Variants in PARN observed in about 807,000 individuals in gnomAD.
PARN encodes poly(A)-specific ribonuclease PARN.
Under a neutral mutation model 102.8 loss-of-function variants are expected in PARN, and 71 were observed. That is an observed-to-expected ratio of 0.69 (90% CI 0.57 to 0.84). The LOEUF (loss-of-function observed/expected upper bound fraction) is 0.84, where lower values mean the gene tolerates loss of function less well. PARN is among the 40% of genes least tolerant of loss of function. PARN has a pLI of 0.00. For missense variants in PARN, 782 were observed against 760.9 expected (o/e 1.03, Z -0.33); for synonymous variants, 261 against 252.9 (o/e 1.03, Z -0.30).
intron 22 of PARN, among the ~76,000 whole-genome samples, chr16:14,471,707 A>G (rs777801382): frequency 6.6e-6 from 1 of 152,154 alleles, no homozygotes; most frequent in Non-Finnish European, 1.5e-5. Context: ...TTCTGTCTCT[A>G]TGAATCTGAC....
intron 22 of PARN, among the ~76,000 whole-genome samples, chr16:14,457,952 G>C (rs1391949861): frequency 6.6e-6 from 1 of 151,460 alleles, no homozygotes; most frequent in African/African-American, 2.4e-5. Flanking sequence ...GTGTGTGAGA[G>C]AGAGAGACAG....
At chr16:14,455,240 C>T (rs1251999599) in intron 22 of PARN, among the ~76,000 whole-genome samples, 1 of 152,182 alleles carries the variant, frequency 6.6e-6, no homozygotes, top group Non-Finnish European at 1.5e-5. Context: ...GTGTCCAAAG[C>T]CAACTGCAGT....
At chr16:14,440,945 G>A (rs2151549476) in intron 23 of PARN, among the ~76,000 whole-genome samples, 1 of 152,110 alleles carries the variant, frequency 6.6e-6, no homozygotes, top group East Asian at 1.9e-4. Context: ...TTATATGACT[G>A]TACACAGATG....
At chr16:14,612,724 A>G (rs1463449225) in intron 6 of PARN, among the ~76,000 whole-genome samples, 2 of 151,696 alleles carry the variant, frequency 1.3e-5, no homozygotes, top group Non-Finnish European at 2.9e-5. Flanking sequence ...CAGCCTCCCA[A>G]GTTGCTGGGA....
intron 21 of PARN, among the ~76,000 whole-genome samples, chr16:14,505,053 TGATAAA>T (rs1567330071): frequency 6.6e-6 from 1 of 152,216 alleles, no homozygotes; most frequent in African/African-American, 2.4e-5. Context: ...AAAGTCTTAC[TGATAAA>T]GTTACCACAT....
intron 12 of PARN, among the ~76,000 whole-genome samples, chr16:14,596,921 G>C (rs1241515536): frequency 6.6e-6 from 1 of 151,824 alleles, no homozygotes; most frequent in South Asian, 2.1e-4. Flanking sequence ...CAAGTAGCTG[G>C]GATTACAGGT....
chr16:14,490,321 T>A (rs1249913653), intron 21 of PARN, among the ~76,000 whole-genome samples: 1 of 152,184 alleles, frequency 6.6e-6, no homozygotes, highest in Non-Finnish European at 1.5e-5. Context: ...AGATTACATG[T>A]GTAGGCTGGG....
chr16:14,629,535 G>T (rs777800190), intron 2 of PARN, 62 bp downstream of exon 2: 8 of 1,199,350 alleles, frequency 6.7e-6, no homozygotes, highest in South Asian at 1.2e-5. Flanking sequence ...GGGGCTGGGG[G>T]ATTGAAGGAG....
intron 15 of PARN, 111 bp from the exon 16 acceptor site, chr16:14,584,533 T>C (rs1435762613): frequency 1.1e-6 from 1 of 891,594 alleles, no homozygotes; most frequent in Non-Finnish European, 1.7e-6. Context: ...TGTCTCCTTG[T>C]GTTCTTTAAA....
intron 22 of PARN, among the ~76,000 whole-genome samples, chr16:14,453,788 C>A (rs578155120): frequency 2.4e-4 from 37 of 152,280 alleles, no homozygotes; most frequent in Non-Finnish European, 4.7e-4. Flanking sequence ...CATAGTATGG[C>A]TGGATCACAA....
chr16:14,456,268 C>G (rs917727900), intron 22 of PARN, among the ~76,000 whole-genome samples: 1 of 151,950 alleles, frequency 6.6e-6, no homozygotes, highest in Non-Finnish European at 1.5e-5. Context: ...CTCCCAGGTT[C>G]AAGCGATCCT....
At chr16:14,481,978 G>A (rs1259244829) in intron 22 of PARN, among the ~76,000 whole-genome samples, 1 of 152,182 alleles carries the variant, frequency 6.6e-6, no homozygotes, top group African/African-American at 2.4e-5. Flanking sequence ...AGATCAGGCA[G>A]AGGCAGCAGT....
chr16:14,478,658 G>T (rs1266631774), intron 22 of PARN, among the ~76,000 whole-genome samples: 1 of 152,146 alleles, frequency 6.6e-6, no homozygotes, highest in Non-Finnish European at 1.5e-5. Flanking sequence ...TGTAAAACTT[G>T]TTAACAGCAT....
intron 22 of PARN, among the ~76,000 whole-genome samples, chr16:14,463,824 C>T (rs1406934658): frequency 7.1e-6 from 1 of 140,010 alleles, no homozygotes; most frequent in Non-Finnish European, 1.6e-5. Flanking sequence ...GAAAAAAGTC[C>T]AAACTTTTTT....
At chr16:14,568,315 C>A (rs985239287) in intron 18 of PARN, among the ~76,000 whole-genome samples, 1 of 150,654 alleles carries the variant, frequency 6.6e-6, no homozygotes, top group Non-Finnish European at 1.5e-5. Flanking sequence ...CGGGTTCAAG[C>A]GATTCTTCCG....
At chr16:14,551,948 T>C (rs1040041751) in intron 21 of PARN, 73 bp downstream of exon 21, 7 of 930,488 alleles carry the variant, frequency 7.5e-6, no homozygotes, top group Non-Finnish European at 1.0e-5. Context: ...CCATAGCTTT[T>C]AAATTAAGGG....
intron 7 of PARN, 150 bp from the exon 8 acceptor site, chr16:14,609,273 C>T (rs1971374116): frequency 3.4e-6 from 2 of 580,108 alleles, no homozygotes; most frequent in Non-Finnish European, 6.0e-6. Context: ...AGTTCAAAGA[C>T]TTTTTTAAAA....
intron 19 of PARN, among the ~76,000 whole-genome samples, chr16:14,554,645 T>C (rs1423690237): frequency 6.6e-6 from 1 of 151,812 alleles, no homozygotes; most frequent in African/African-American, 2.4e-5. Context: ...GGTCTCGCTA[T>C]GCTGCCCACG....
chr16:14,516,273 G>T lies in PARN; in HGVS notation c.1481-33446C>A, dbSNP rs1395343927. ...GGCAAAGATCCAAATAGCTATAATA[G>T]AAGTTTTCATAGACAAAAACAAAAG... is the stretch of plus-strand genomic sequence containing the variant. On this transcript the variant is annotated intron_variant, in intron 21 of 23. Coordinates refer to ENST00000437198, the MANE Select transcript of PARN (RefSeq NM_002582.4). 2.6e-5 allele frequency among the ~76,000 whole-genome samples: 4 copies of T among 151,918 alleles called. No individual in the cohort carries two copies. In the South Asian group the frequency reaches 8.3e-4, roughly 32 times the overall value.
Sources: allele counts gnomAD v4.1 joint callset (sites outside exome capture counted in the v4.1 genomes callset), GRCh38; gene constraint gnomAD v4.1.1; transcripts MANE v1.5; gene names NCBI Gene and HGNC (gene_info 2026-07-23, HGNC 2026-07-21).